The following KAZN variants were observed in gnomAD, a reference collection of about 807,000 sequenced individuals.
KAZN encodes kazrin.
KAZN carries 40 observed loss-of-function variants against 87.4 expected under a neutral mutation model. The ratio of observed to expected loss-of-function variants is 0.46; its 90% confidence interval spans 0.36 to 0.60. The LOEUF (loss-of-function observed/expected upper bound fraction) is 0.60, where lower values mean the gene tolerates loss of function less well. Among genes scored for constraint, KAZN ranks in the 20% least tolerant of loss-of-function variants. KAZN has a pLI of 0.00. For synonymous variants in KAZN, 466 were observed against 458.3 expected (o/e 1.02, Z -0.22); for missense variants, 898 against 1,073.9 (o/e 0.84, Z 2.29).
chr1:14,101,216 G>T (rs948862864), intron 1 of KAZN, among the ~76,000 whole-genome samples: 1 of 152,098 alleles, frequency 6.6e-6, no homozygotes, highest in African/African-American at 2.4e-5. Context: ...TTGCAGTCAG[G>T]CCTGCCATAT....
intron 1 of KAZN, among the ~76,000 whole-genome samples, chr1:14,888,238 C>G (rs1295444807): frequency 6.6e-6 from 1 of 152,212 alleles, no homozygotes; most frequent in East Asian, 1.9e-4. Context: ...GCCCGGCCTC[C>G]TTCCTCTCTC....
intron 1 of KAZN, among the ~76,000 whole-genome samples, chr1:14,726,458 C>T (rs1262791426): frequency 6.6e-6 from 1 of 152,134 alleles, no homozygotes; most frequent in Non-Finnish European, 1.5e-5. Flanking sequence ...GTGCTCTCCC[C>T]CAGGGATCCA....
At chr1:14,967,848 A>G (rs1019844570) in intron 2 of KAZN, among the ~76,000 whole-genome samples, 3 of 152,236 alleles carry the variant, frequency 2.0e-5, no homozygotes, top group African/African-American at 7.2e-5. Flanking sequence ...GGTAACACCC[A>G]TTTTAGACCT....
chr1:14,641,666 C>T (rs1228074638), intron 1 of KAZN, among the ~76,000 whole-genome samples: 1 of 152,228 alleles, frequency 6.6e-6, no homozygotes, highest in Non-Finnish European at 1.5e-5. Flanking sequence ...TGGAACACAA[C>T]ACCCTGTTCA....
chr1:14,399,716 G>A (rs1290491940), intron 2 of KAZN, among the ~76,000 whole-genome samples: 1 of 152,058 alleles, frequency 6.6e-6, no homozygotes. Context: ...CTTCCCACAT[G>A]CTGCTCTGCT....
At chr1:14,094,568 A>G (rs748900504) in intron 1 of KAZN, among the ~76,000 whole-genome samples, 24 of 152,226 alleles carry the variant, frequency 1.6e-4, no homozygotes, top group Non-Finnish European at 3.4e-4. Context: ...TTATGTACTA[A>G]TAGACAAAAA....
chr1:14,351,197 G>A (rs748508509), intron 2 of KAZN, among the ~76,000 whole-genome samples: 30 of 152,130 alleles, frequency 2.0e-4, no homozygotes, highest in Non-Finnish European at 3.5e-4. Context: ...TCATCATTTC[G>A]CCAGCAGCCA....
intron 1 of KAZN, among the ~76,000 whole-genome samples, chr1:14,785,429 G>T (rs541991368): frequency 2.0e-5 from 3 of 152,168 alleles, no homozygotes; most frequent in South Asian, 2.1e-4. Flanking sequence ...AACAAATATG[G>T]CGCCAAATCT....
At chr1:14,795,396 C>T (rs1645800261) in intron 1 of KAZN, among the ~76,000 whole-genome samples, 1 of 152,014 alleles carries the variant, frequency 6.6e-6, no homozygotes, top group African/African-American at 2.4e-5. Context: ...GTAATCTCTT[C>T]TGTGTCAGGC....
chr1:14,049,433 T>A (rs1642216659), intron 1 of KAZN, among the ~76,000 whole-genome samples: 1 of 152,208 alleles, frequency 6.6e-6, no homozygotes, highest in Non-Finnish European at 1.5e-5. Context: ...AACCTGCACG[T>A]TGTGCACATG....
intron 2 of KAZN, among the ~76,000 whole-genome samples, chr1:14,290,331 G>A (rs1653582491): frequency 6.6e-6 from 1 of 152,080 alleles, no homozygotes; most frequent in African/African-American, 2.4e-5. Context: ...ACACAGATTT[G>A]TCTTTTCACA....
intron 2 of KAZN, among the ~76,000 whole-genome samples, chr1:14,232,822 A>C (rs1387704133): frequency 6.6e-6 from 1 of 152,210 alleles, no homozygotes; most frequent in Non-Finnish European, 1.5e-5. Context: ...ATGAATATAC[A>C]AACTTCTCAA....
chr1:14,724,382 G>A (rs1045907980), intron 1 of KAZN, among the ~76,000 whole-genome samples: 1 of 152,188 alleles, frequency 6.6e-6, no homozygotes, highest in Non-Finnish European at 1.5e-5. Flanking sequence ...CTGCGGGAGA[G>A]CTGGGATTAG....
chr1:14,724,182 C>A (rs554472816), intron 1 of KAZN, among the ~76,000 whole-genome samples: 6 of 152,102 alleles, frequency 3.9e-5, no homozygotes, highest in South Asian at 2.1e-4. Flanking sequence ...TTCTTTCATG[C>A]GCTTTTTAAA....
intron 1 of KAZN, among the ~76,000 whole-genome samples, chr1:14,836,616 C>G (rs958109882): frequency 6.6e-6 from 1 of 152,088 alleles, no homozygotes; most frequent in East Asian, 1.9e-4. Context: ...TGAGCATCCC[C>G]GAGGCCTGAG....
At chr1:14,471,383 T>C (rs1360754679) in intron 2 of KAZN, among the ~76,000 whole-genome samples, 1 of 152,146 alleles carries the variant, frequency 6.6e-6, no homozygotes, top group East Asian at 1.9e-4. Flanking sequence ...TTCTATACAA[T>C]AAAAGTCAAA....
At chr1:14,397,929 C>A (rs1299973451) in intron 2 of KAZN, among the ~76,000 whole-genome samples, 1 of 151,142 alleles carries the variant, frequency 6.6e-6, no homozygotes, top group Non-Finnish European at 1.5e-5. Context: ...TTCACGAGTC[C>A]TTGCCTGATT....
intron 1 of KAZN, among the ~76,000 whole-genome samples, chr1:14,761,309 T>G (rs1178824331): frequency 6.6e-6 from 1 of 152,170 alleles, no homozygotes; most frequent in Non-Finnish European, 1.5e-5. Flanking sequence ...AAAGAGGCAT[T>G]CAAGAGCCTG....
chr1:14,533,499 C>CCA (rs1672322307), intron 2 of KAZN, among the ~76,000 whole-genome samples: 1 of 152,178 alleles, frequency 6.6e-6, no homozygotes, highest in Non-Finnish European at 1.5e-5. Flanking sequence ...TTTCCAAACT[C>CCA]ACGGCTCTGC....
Sources: allele counts gnomAD v4.1 joint callset (sites outside exome capture counted in the v4.1 genomes callset), GRCh38; gene constraint gnomAD v4.1.1; transcripts MANE v1.5; gene names NCBI Gene and HGNC (gene_info 2026-07-23, HGNC 2026-07-21).